Variants in EHD1 observed in about 807,000 individuals in gnomAD.
EHD1 encodes the protein EH domain-containing protein 1.
EHD1 carries 19 observed loss-of-function variants against 39.0 expected under a neutral mutation model. The observed-to-expected ratio is 0.49, with a 90% CI of 0.34 to 0.72. The LOEUF is 0.72. EHD1 is among the 30% of genes least tolerant of loss of function. The pLI is 0.01. For synonymous variants in EHD1, 323 were observed against 331.2 expected (o/e 0.98, Z 0.27); for missense variants, 542 against 751.5 (o/e 0.72, Z 3.26).
rs370715286 is a variant in EHD1 at position 64,854,301 on chromosome 11, C to T, written c.*32G>A. On this transcript the variant is annotated 3_prime_UTR_variant, in exon 5 of 5. Coordinates refer to ENST00000320631, the MANE Select transcript of EHD1 (RefSeq NM_006795.4). ...CCCCCGTCTCTGCCTCCCGGCCGGG[C>T]GTGCAAATGGCAGGTGCGGGGCCGG... 2.8e-5 allele frequency: 44 copies of T among 1,567,852 alleles called. No individual in the cohort carries two copies. Among genetic ancestry groups the T allele is most frequent in the Admixed American group, 3.5e-5 (2 of 57,436 alleles).
intron 4 of EHD1, 78 bp from the exon 5 acceptor site, chr11:64,854,935 G>C (rs928950012): frequency 2.0e-6 from 3 of 1,534,270 alleles, no homozygotes; most frequent in Non-Finnish European, 2.6e-6. Flanking sequence ...TCCAGTCAGG[G>C]CTTCACAAGC....
intron 2 of EHD1, 70 bp downstream of exon 2, chr11:64,874,351 A>AAGT (rs1383602089): frequency 1.5e-6 from 2 of 1,304,654 alleles, no homozygotes; most frequent in Admixed American, 4.3e-5. Context: ...CATCTGAACC[A>AAGT]AGTTGCAGAT....
intron 2 of EHD1, among the ~76,000 whole-genome samples, chr11:64,864,230 C>T (rs1393341041): frequency 3.3e-5 from 5 of 152,216 alleles, no homozygotes; most frequent in Non-Finnish European, 7.4e-5. Context: ...CCAGCCTGGA[C>T]GGGGAGGCCC....
chr11:64,855,602 G>A (rs1943642822), intron 3 of EHD1, 116 bp from the exon 4 acceptor site: 1 of 1,495,710 alleles, frequency 6.7e-7, no homozygotes, highest in Non-Finnish European at 9.1e-7. Context: ...CAGGGAAGCA[G>A]GAGGGATGGG....
intron 3 of EHD1, among the ~76,000 whole-genome samples, chr11:64,857,530 A>G (rs1285079948): frequency 6.6e-6 from 1 of 152,214 alleles, no homozygotes; most frequent in Non-Finnish European, 1.5e-5. Context: ...CAGCTCACGG[A>G]GGTTCAGGCC....
upstream of EHD1, chr11:64,878,706 T>C (rs1943919612): frequency 2.2e-6 from 3 of 1,348,812 alleles, no homozygotes; most frequent in Non-Finnish European, 2.8e-6. Context: ...AGGGCGGAAT[T>C]GGGGGCGGTA....
Position 64,855,412 on chromosome 11 carries a change from CTCTT to C in EHD1, c.986_989del (p.Lys329SerfsTer3). On this transcript the variant is annotated frameshift_variant, in exon 4 of 5. Coordinates refer to ENST00000320631, the MANE Select transcript of EHD1 (RefSeq NM_006795.4). LOFTEE classifies it high-confidence loss of function. The stretch of plus-strand genomic sequence containing the variant: ...AGATCTCTCCGAGGTTGTTCACCAG[CTCTT>C]TCTTTTTGCTCTCTTTACCAAAGAC... The C allele has an allele frequency of 6.2e-7, 1 of 1,614,082 alleles. No individual in the cohort carries two copies. Among genetic ancestry groups the C allele is most frequent in the Non-Finnish European group, 8.5e-7 (1 of 1,179,978 alleles).
intron 3 of EHD1, among the ~76,000 whole-genome samples, chr11:64,857,528 G>A (rs1027061864): frequency 2.6e-5 from 4 of 152,180 alleles, no homozygotes; most frequent in African/African-American, 2.4e-5. Flanking sequence ...CACAGCTCAC[G>A]GAGGTTCAGG....
chr11:64,863,172 G>A (rs896617179), intron 2 of EHD1, among the ~76,000 whole-genome samples: 26 of 152,290 alleles, frequency 1.7e-4, no homozygotes, highest in Non-Finnish European at 3.2e-4. Context: ...GAAAAGAGCA[G>A]GAGAAGCCAC....
At position 64,875,086 on chromosome 11, in the gene EHD1, C is replaced by T. The variant is rs572537473; in HGVS notation, c.405-568G>A. ...ACAGACGCGCCATTCTCTGAAAGTC[C>T]GAGCAGGCTGAGGAAGAACAAAGCC... is the stretch of plus-strand genomic sequence containing the variant. On this transcript the variant is annotated intron_variant, in intron 1 of 4. Transcript: ENST00000320631. Among the ~76,000 whole-genome samples the T allele has an allele frequency of 6.6e-5, 10 of 152,332 alleles. 1 individual carries two copies. The highest frequency in any genetic ancestry group is 2.4e-4 in the African/African-American group (10 of 41,566).
upstream of EHD1, chr11:64,879,589 A>G: frequency 1.9e-6 from 3 of 1,550,948 alleles, no homozygotes; most frequent in Non-Finnish European, 2.6e-6. Context: ...ATTTACTGGG[A>G]TCTGTGCCCT....
At chr11:64,879,392 A>C (rs1162130397), upstream of EHD1, among the ~76,000 whole-genome samples, 1 of 152,148 alleles carries the variant, frequency 6.6e-6, no homozygotes, top group East Asian at 1.9e-4. Context: ...GGGGCAAGGC[A>C]GGGAGGGCAT....
chr11:64,878,789 T>G, upstream of EHD1: 1 of 1,213,984 alleles, frequency 8.2e-7, no homozygotes, highest in Non-Finnish European at 1.0e-6. Context: ...CATTGGCTGA[T>G]TCCAAATCTC....
At chr11:64,859,044 G>A (rs937229571) in intron 3 of EHD1, among the ~76,000 whole-genome samples, 3 of 152,222 alleles carry the variant, frequency 2.0e-5, no homozygotes, top group African/African-American at 7.2e-5. Context: ...GGCCCCCCCA[G>A]CCCTTCTACT....
intron 2 of EHD1, among the ~76,000 whole-genome samples, chr11:64,866,094 T>C (rs1359816829): frequency 6.6e-6 from 1 of 152,098 alleles, no homozygotes; most frequent in Non-Finnish European, 1.5e-5. Context: ...ATAGCAAAGA[T>C]GGAATCCACC....
At chr11:64,857,381 G>A (rs1412418190) in intron 3 of EHD1, among the ~76,000 whole-genome samples, 2 of 152,030 alleles carry the variant, frequency 1.3e-5, no homozygotes, top group African/African-American at 4.8e-5. Flanking sequence ...CCGAGATTGC[G>A]CCACTGCACT....
In EHD1 at chr11:64,874,451, G is replaced by A; in HGVS notation, c.472C>T (p.Leu158=). The change falls in exon 2 of 5, where the codon CTG becomes TTG. Residue 158 remains leucine, a synonymous_variant. Transcript: ENST00000320631. ...SISIIDTPGI[L]SGEKQRISRG... is the part of the protein sequence containing the mutation. ...CTGATCCGCTGCTTCTCTCCAGACA[G>A]GATCCCGGGGGTGTCGATGATGCTG... The A allele has an allele frequency of 6.2e-7, 1 of 1,609,566 alleles. No individual in the cohort carries two copies. The highest frequency in any genetic ancestry group is 1.1e-5 in the South Asian group (1 of 89,874).
At chr11:64,874,390 A>G in intron 2 of EHD1, 31 bp downstream of exon 2, 1 of 1,561,512 alleles carries the variant, frequency 6.4e-7, no homozygotes, top group Non-Finnish European at 8.7e-7. Flanking sequence ...TGACAACACC[A>G]GCAGCCCGAG....
intron 1 of EHD1, 42 bp downstream of exon 1, chr11:64,878,019 C>T: frequency 6.8e-7 from 1 of 1,479,596 alleles, no homozygotes; most frequent in Admixed American, 2.4e-5. Flanking sequence ...GAGGGGTGTG[C>T]CCCGGACGCG....
Sources: allele counts gnomAD v4.1 joint callset (sites outside exome capture counted in the v4.1 genomes callset), GRCh38; gene constraint gnomAD v4.1.1; transcripts MANE v1.5; gene names NCBI Gene and HGNC (gene_info 2026-07-23, HGNC 2026-07-21).